The following SSU72 variants were observed in gnomAD, a reference collection of about 807,000 sequenced individuals.
The protein encoded by SSU72 is RNA polymerase II subunit A C-terminal domain phosphatase SSU72.
In SSU72, 12 loss-of-function variants were observed where a neutral mutation model predicts 22.7. The ratio of observed to expected loss-of-function variants is 0.53; its 90% confidence interval spans 0.34 to 0.86. The LOEUF (loss-of-function observed/expected upper bound fraction) is 0.86, where lower values mean the gene tolerates loss of function less well. Ranked by LOEUF, SSU72 falls within the 40% of genes least tolerant of loss-of-function variation. The probability of loss-of-function intolerance (pLI) is 0.02; values close to 1 mark genes in which losing one functional copy is unlikely to be tolerated. For synonymous variants in SSU72, 116 were observed against 98.3 expected (o/e 1.18, Z -1.06); for missense variants, 151 against 249.8 (o/e 0.60, Z 2.67).
intron 1 of SSU72, among the ~76,000 whole-genome samples, chr1:1,569,926 C>A (rs958454890): frequency 6.6e-6 from 1 of 152,204 alleles, no homozygotes; most frequent in Non-Finnish European, 1.5e-5. Context: ...CCCTACCCAA[C>A]TGCATACAAT....
Position 1,574,525 on chromosome 1 carries a change from C to T in SSU72, c.33G>A (p.Val11=). The change falls in exon 1 of 5, where the codon GTG becomes GTA. Residue 11 remains valine, a synonymous_variant. Coordinates refer to ENST00000291386, the MANE Select transcript of SSU72 (RefSeq NM_014188.3). The part of the protein sequence containing the change: MPSSPLRVAV[V]CSSNQNRSME... ...TGCTCCGGTTCTGGTTGCTCGAGCACACCACCGCCACCCGCAGCGGGGACG... is the reference window on the plus strand; with the variant it reads ...TGCTCCGGTTCTGGTTGCTCGAGCATACCACCGCCACCCGCAGCGGGGACG... The T allele has an allele frequency of 1.3e-6, 2 of 1,591,044 alleles. No homozygotes were observed. Among genetic ancestry groups the T allele is most frequent in the East Asian group, 4.8e-5 (2 of 41,244 alleles).
chr1:1,574,045 T>C (rs994884355), intron 1 of SSU72, among the ~76,000 whole-genome samples: 85 of 139,786 alleles, frequency 6.1e-4, no homozygotes, highest in East Asian at 1.5e-3. Context: ...GAAGAAGAAG[T>C]AGCAAACACA....
At chr1:1,560,478 C>T (rs1237287314) in intron 2 of SSU72, among the ~76,000 whole-genome samples, 6 of 149,004 alleles carry the variant, frequency 4.0e-5, no homozygotes, top group Non-Finnish European at 6.1e-5. Context: ...AACCTAGACT[C>T]GTACCCTGAC....
chr1:1,559,027 A>C (rs1415367228), intron 2 of SSU72, among the ~76,000 whole-genome samples: 1 of 152,250 alleles, frequency 6.6e-6, no homozygotes, highest in African/African-American at 2.4e-5. Flanking sequence ...GAAAAAAAAT[A>C]GAGAAGCCTC....
At chr1:1,567,973 G>A (rs1278157713) in intron 1 of SSU72, among the ~76,000 whole-genome samples, 3 of 150,390 alleles carry the variant, frequency 2.0e-5, no homozygotes, top group East Asian at 2.0e-4. Flanking sequence ...AGCAGCCAAA[G>A]GAGACAGCCT....
intron 2 of SSU72, chr1:1,561,821 A>T (rs3766169): frequency 1.3e-5 from 2 of 151,968 alleles, no homozygotes; most frequent in African/African-American, 4.8e-5. Flanking sequence ...CTCCTCCTAG[A>T]GCCTCCTGAG....
intron 2 of SSU72, chr1:1,561,667 C>T (rs890324608): frequency 6.6e-6 from 1 of 152,314 alleles, no homozygotes; most frequent in Non-Finnish European, 1.5e-5. Flanking sequence ...CCACAGGGAA[C>T]TGCCTGGGGA....
Position 1,542,206 on chromosome 1 carries a change from C to T in SSU72, c.484-39G>A. 6.5e-7 allele frequency: 1 copy of T among 1,538,394 alleles called. No individual in the cohort carries two copies. Among genetic ancestry groups the T allele is most frequent in the South Asian group, 1.2e-5 (1 of 84,012 alleles). Reference sequence around the variant, plus strand: ...ACCGTGGTGAGGGCCTTGCCCACTCCTGCCTGTCTGCTCCCCCTAACACCT... The same window carrying T: ...ACCGTGGTGAGGGCCTTGCCCACTCTTGCCTGTCTGCTCCCCCTAACACCT... On this transcript the variant is annotated intron_variant, in intron 4 of 4. Transcript: ENST00000291386. This position sits in a 1 kb window ranked among gnomAD's most constrained non-coding sequence, Gnocchi z 4.4.
intron 3 of SSU72, chr1:1,544,595 C>G (rs191159025): frequency 2.0e-6 from 1 of 492,552 alleles, no homozygotes; most frequent in East Asian, 3.8e-5. Flanking sequence ...TCCAGCCTGG[C>G]GACAGAGCAC....
intron 1 of SSU72, among the ~76,000 whole-genome samples, chr1:1,572,197 G>A (rs1372768362): frequency 6.8e-6 from 1 of 147,152 alleles, no homozygotes; most frequent in Non-Finnish European, 1.5e-5. Context: ...GGAGGCCCAC[G>A]CAGGCGGATC....
intron 4 of SSU72, 146 bp downstream of exon 4, chr1:1,543,723 C>T (rs1396682930): frequency 1.4e-5 from 8 of 571,108 alleles, no homozygotes; most frequent in Non-Finnish European, 2.3e-5. Context: ...CTCGGCCACT[C>T]CCCTGTCACG....
chr1:1,559,243 G>A (rs1169883630), intron 2 of SSU72, among the ~76,000 whole-genome samples: 1 of 152,184 alleles, frequency 6.6e-6, no homozygotes, highest in African/African-American at 2.4e-5. Context: ...CTGTAGCACG[G>A]GAAGCAGCTA....
chr1:1,565,829 C>T (rs1452794559), intron 1 of SSU72, among the ~76,000 whole-genome samples: 1 of 152,134 alleles, frequency 6.6e-6, no homozygotes, highest in Non-Finnish European at 1.5e-5. Context: ...TCATGTGCCA[C>T]CAATGAGCTC....
At chr1:1,558,947 C>T (rs550830211) in intron 2 of SSU72, among the ~76,000 whole-genome samples, 1 of 152,214 alleles carries the variant, frequency 6.6e-6, no homozygotes, top group Non-Finnish European at 1.5e-5. Flanking sequence ...CTTAACCAGA[C>T]TCCTTTCAAT....
At chr1:1,551,382 G>C (rs577038801) in intron 2 of SSU72, among the ~76,000 whole-genome samples, 2 of 152,362 alleles carry the variant, frequency 1.3e-5, no homozygotes, top group East Asian at 3.9e-4. Context: ...CAGCAGCAGG[G>C]TGAGCCCCTG....
intron 2 of SSU72, chr1:1,560,825 A>C (rs1467169344): frequency 6.6e-6 from 1 of 152,258 alleles, no homozygotes; most frequent in South Asian, 2.1e-4. Flanking sequence ...ATATCTAAAA[A>C]AATAATAATA....
chr1:1,543,249 C>T (rs1367023056), intron 4 of SSU72, among the ~76,000 whole-genome samples: 3 of 152,158 alleles, frequency 2.0e-5, no homozygotes, highest in African/African-American at 2.4e-5. Flanking sequence ...CAGGGGTGGA[C>T]GGCGGACACA....
At chr1:1,568,651 A>T (rs993212387) in intron 1 of SSU72, among the ~76,000 whole-genome samples, 7 of 152,042 alleles carry the variant, frequency 4.6e-5, no homozygotes, top group Non-Finnish European at 7.4e-5. Context: ...CAGGCGGGGC[A>T]TGGTGGCTCA....
At chr1:1,574,012 G>A (rs1369501378) in intron 1 of SSU72, among the ~76,000 whole-genome samples, 5 of 135,636 alleles carry the variant, frequency 3.7e-5, no homozygotes, top group African/African-American at 1.3e-4. Context: ...AGGAAGAGAG[G>A]ATCTTTCGCA....
Sources: gnomAD v4.1 joint callset for allele counts (sites outside exome capture counted in the v4.1 genomes callset) on GRCh38, gnomAD v4.1.1 for gene constraint, Gnocchi (gnomAD v3.1) non-coding constraint, MANE v1.5 for transcripts, NCBI Gene and HGNC (gene_info 2026-07-23, HGNC 2026-07-21) for gene names.